The following DCDC1 variants were observed in gnomAD, a reference collection of about 807,000 sequenced individuals.
The protein encoded by DCDC1 is doublecortin domain containing 1.
Under a neutral mutation model 178.3 loss-of-function variants are expected in DCDC1, and 200 were observed. The ratio of observed to expected loss-of-function variants is 1.12; its 90% confidence interval spans 1.00 to 1.26. The LOEUF (loss-of-function observed/expected upper bound fraction) is 1.26, where lower values mean the gene tolerates loss of function less well. Among genes scored for constraint, DCDC1 ranks in the 50% most tolerant of loss-of-function variants. The probability of loss-of-function intolerance (pLI) is 0.00; values close to 1 mark genes in which losing one functional copy is unlikely to be tolerated. For missense variants in DCDC1, 1,983 were observed against 1,749.2 expected, an observed-to-expected ratio of 1.13 and a Z score of -2.38; for synonymous variants, 690 against 604.8, an observed-to-expected ratio of 1.14 and a Z score of -2.07.
chr11:31,305,774 G>T lies in DCDC1; in HGVS notation c.595C>A (p.Leu199Met). 3 of 1,612,246 alleles carry T rather than the reference G, an allele frequency of 1.9e-6. No individual in the cohort carries two copies. Among genetic ancestry groups the T allele is most frequent in the Admixed American group, 1.7e-5 (1 of 59,824 alleles). The part of the protein sequence containing the change: ...RVTVPTITLL[L>M]EECTEKLNLN... ...TTCAGCTTTTCTGTGCACTCCTCCAGCAGCTAGAAGAAAGCAAGAGGTAAG... is the reference window on the plus strand; with the variant it reads ...TTCAGCTTTTCTGTGCACTCCTCCATCAGCTAGAAGAAAGCAAGAGGTAAG... Residue 199 changes from leucine (L) to methionine (M), a missense_variant, in exon 6 of 39, where the codon CTG (leucine) becomes ATG (methionine). Physicochemically the swap from Leu to Met is conservative, Grantham distance 15. Coordinates refer to ENST00000684477, the MANE Select transcript of DCDC1 (RefSeq NM_001387274.1).
chr11:31,023,536 T>A (rs1365111170), intron 20 of DCDC1, among the ~76,000 whole-genome samples: 4 of 151,894 alleles, frequency 2.6e-5, no homozygotes, highest in South Asian at 2.1e-4. Flanking sequence ...AAAGAGAAGA[T>A]CCAAAGAGGA....
At chr11:31,365,738 T>C (rs1245118755) in intron 1 of DCDC1, among the ~76,000 whole-genome samples, 1 of 152,152 alleles carries the variant, frequency 6.6e-6, no homozygotes, top group Non-Finnish European at 1.5e-5. Context: ...CTATAGCACT[T>C]GATCAATCAT....
At chr11:31,179,360 A>G (rs891314878) in intron 9 of DCDC1, among the ~76,000 whole-genome samples, 1 of 152,238 alleles carries the variant, frequency 6.6e-6, no homozygotes, top group African/African-American at 2.4e-5. Flanking sequence ...AACTATGTCC[A>G]AGACAATCTG....
At chr11:31,040,837 A>G (rs1954395407) in intron 20 of DCDC1, among the ~76,000 whole-genome samples, 1 of 152,212 alleles carries the variant, frequency 6.6e-6, no homozygotes, top group Non-Finnish European at 1.5e-5. Context: ...ACCAGGAAAC[A>G]GCTGTGAGCT....
intron 18 of DCDC1, among the ~76,000 whole-genome samples, chr11:31,075,278 T>C (rs1299798448): frequency 6.6e-6 from 1 of 152,252 alleles, no homozygotes; most frequent in Admixed American, 6.5e-5. Flanking sequence ...CACATTTTCT[T>C]GTCTATTTGT....
At chr11:31,090,441 C>T (rs1469288337) in intron 17 of DCDC1, among the ~76,000 whole-genome samples, 1 of 152,106 alleles carries the variant, frequency 6.6e-6, no homozygotes, top group African/African-American at 2.4e-5. Context: ...CTTCTCTGTA[C>T]CTCAATATCC....
At chr11:31,221,027 C>G (rs1210477044) in intron 9 of DCDC1, among the ~76,000 whole-genome samples, 2 of 152,076 alleles carry the variant, frequency 1.3e-5, no homozygotes, top group East Asian at 3.9e-4. Flanking sequence ...GCCCTACTTC[C>G]AAATATAGTG....
At chr11:31,146,883 C>T (rs935662930) in intron 9 of DCDC1, among the ~76,000 whole-genome samples, 14 of 152,168 alleles carry the variant, frequency 9.2e-5, no homozygotes, top group East Asian at 3.9e-4. Context: ...ACCTAGGACA[C>T]ATGAAAACCA....
chr11:31,197,208 C>T (rs975477719), intron 9 of DCDC1, among the ~76,000 whole-genome samples: 2 of 151,944 alleles, frequency 1.3e-5, no homozygotes, highest in Non-Finnish European at 2.9e-5. Context: ...TGTTTCAAGA[C>T]AATTTTTCAG....
intron 20 of DCDC1, among the ~76,000 whole-genome samples, chr11:31,022,687 G>GT (rs1952962750): frequency 1.7e-4 from 24 of 138,288 alleles, no homozygotes; most frequent in Admixed American, 2.3e-4. Context: ...GTGTGTGTGT[G>GT]GTATGTGTTT....
At chr11:31,153,795 CACACACACACACACACACACACA>C in intron 9 of DCDC1, among the ~76,000 whole-genome samples, 1 of 148,834 alleles carries the variant, frequency 6.7e-6, no homozygotes, top group Admixed American at 6.6e-5. Flanking sequence ...AACACACACA[CACACACACACACACACACACACA>C]ATTACCATAA....
chr11:31,326,589 T>A (rs1949661418), intron 3 of DCDC1, among the ~76,000 whole-genome samples: 2 of 152,168 alleles, frequency 1.3e-5, no homozygotes, highest in Non-Finnish European at 2.9e-5. Flanking sequence ...CCCTACAATA[T>A]AACACACAGG....
In DCDC1 at chr11:31,224,849, T is replaced by TA. The variant is rs1974718932; in HGVS notation, c.1221+16600_1221+16601insT. ...TGCAAGAATGGCCATAATTTAAAAA[T>TA]CAAAAAATAATAGATGTTAGCATGG... On this transcript the variant is annotated intron_variant, in intron 9 of 38. Coordinates refer to ENST00000684477, the MANE Select transcript of DCDC1 (RefSeq NM_001387274.1). 3.3e-5 allele frequency among the ~76,000 whole-genome samples: 5 copies of TA among 151,988 alleles called. No individual in the cohort carries two copies. The South Asian group carries it at 1.0e-3, about 32-fold the overall frequency.
chr11:31,086,336 A>G (rs2135619786), intron 17 of DCDC1, among the ~76,000 whole-genome samples: 1 of 152,284 alleles, frequency 6.6e-6, no homozygotes, highest in African/African-American at 2.4e-5. Flanking sequence ...GCATTCCCCT[A>G]ATGAATAATA....
intron 9 of DCDC1, among the ~76,000 whole-genome samples, chr11:31,183,180 T>C (rs1022895675): frequency 2.0e-5 from 3 of 151,762 alleles, no homozygotes; most frequent in African/African-American, 4.8e-5. Flanking sequence ...ATGTCAATAT[T>C]AGATCAATGA....
intron 1 of DCDC1, among the ~76,000 whole-genome samples, chr11:31,346,939 T>C (rs1255614021): frequency 2.6e-5 from 4 of 152,232 alleles, no homozygotes; most frequent in African/African-American, 9.6e-5. Flanking sequence ...AATAGTTTTA[T>C]TTTTTAAATG....
intron 3 of DCDC1, 78 bp downstream of exon 3, chr11:31,328,039 T>G: frequency 7.1e-7 from 1 of 1,417,894 alleles, no homozygotes; most frequent in Non-Finnish European, 9.3e-7. Context: ...CAAGACTGAT[T>G]GAAAATTTAA....
intron 18 of DCDC1, among the ~76,000 whole-genome samples, chr11:31,074,946 T>C (rs1956778840): frequency 6.6e-6 from 1 of 152,178 alleles, no homozygotes; most frequent in Non-Finnish European, 1.5e-5. Context: ...CAAGTGCAAT[T>C]TTGTTACATG....
chr11:30,920,930 C>T lies in DCDC1; in HGVS notation c.3139G>A (p.Val1047Ile). ...ACAATGTCACTTTGGACTTCTAAAA[C>T]AAGAGCTGAGCAGAAATTCACAAAT... ...FCSTHKIEAL[V>I]LEVQSDIVSG... is the part of the protein sequence containing the mutation. The change falls in exon 25 of 39, where the codon GTT becomes ATT. Residue 1047 changes from valine to isoleucine, a missense_variant. Transcript: ENST00000684477. The T allele has an allele frequency of 6.2e-7, 1 of 1,609,560 alleles. No individual in the cohort carries two copies. Among genetic ancestry groups the T allele is most frequent in the South Asian group, 1.1e-5 (1 of 90,192 alleles).
Sources: gnomAD v4.1 joint callset for allele counts (sites outside exome capture counted in the v4.1 genomes callset) on GRCh38, gnomAD v4.1.1 for gene constraint, MANE v1.5 for transcripts, NCBI Gene and HGNC (gene_info 2026-07-23, HGNC 2026-07-21) for gene names.